NXPH2: variants seen among roughly 807,000 people sequenced by gnomAD.
NXPH2 encodes neurexophilin 2, also known as neurexophilin-2.
A neutral mutation model predicts 19.8 loss-of-function variants in NXPH2; 5 were observed. That is an observed-to-expected ratio of 0.25 (90% CI 0.13 to 0.53). NXPH2 has a LOEUF of 0.53. Ranked by LOEUF, NXPH2 falls within the 20% of genes least tolerant of loss-of-function variation. The pLI, the probability that NXPH2 is intolerant of heterozygous loss-of-function variation, is 0.96. For synonymous variants in NXPH2, 154 were observed against 127.4 expected (o/e 1.21, Z -1.41); for missense variants, 289 against 322.8 (o/e 0.90, Z 0.80).
intron 1 of NXPH2, among the ~76,000 whole-genome samples, chr2:138,691,982 A>G (rs1339708635): frequency 6.6e-6 from 1 of 152,206 alleles, no homozygotes; most frequent in African/African-American, 2.4e-5. Flanking sequence ...TAATAACATA[A>G]CCAAAATATA....
intron 1 of NXPH2, among the ~76,000 whole-genome samples, chr2:138,678,982 G>C (rs1376139289): frequency 6.6e-6 from 1 of 152,066 alleles, no homozygotes; most frequent in Non-Finnish European, 1.5e-5. Context: ...GGACACAAAC[G>C]CTACTTGGTT....
intron 1 of NXPH2, among the ~76,000 whole-genome samples, chr2:138,777,836 A>T (rs1341997621): frequency 2.8e-5 from 4 of 142,550 alleles, no homozygotes; most frequent in African/African-American, 1.1e-4. Flanking sequence ...AAAATTAAAA[A>T]AAAAAAAAAA....
intron 1 of NXPH2, among the ~76,000 whole-genome samples, chr2:138,756,388 C>T (rs1244223585): frequency 6.6e-6 from 1 of 151,796 alleles, no homozygotes; most frequent in Non-Finnish European, 1.5e-5. Flanking sequence ...ATTTTAAGCA[C>T]CCCCAAAATG....
chr2:138,674,261 C>G (rs1680453895), intron 1 of NXPH2, among the ~76,000 whole-genome samples: 1 of 151,950 alleles, frequency 6.6e-6, no homozygotes, highest in Admixed American at 6.6e-5. Flanking sequence ...TTAAGAAATT[C>G]TTGCACATCA....
intron 1 of NXPH2, among the ~76,000 whole-genome samples, chr2:138,777,946 C>T (rs1172684269): frequency 6.6e-6 from 1 of 151,306 alleles, no homozygotes; most frequent in Non-Finnish European, 1.5e-5. Context: ...ATTTTATCCC[C>T]TTGCTGTTAG....
intron 1 of NXPH2, among the ~76,000 whole-genome samples, chr2:138,757,593 T>A (rs1173481206): frequency 6.6e-6 from 1 of 152,074 alleles, no homozygotes; most frequent in Non-Finnish European, 1.5e-5. Flanking sequence ...CTCCCCTTCC[T>A]GACTGCCTGC....
At chr2:138,774,200 T>C (rs933148905) in intron 1 of NXPH2, among the ~76,000 whole-genome samples, 1 of 152,214 alleles carries the variant, frequency 6.6e-6, no homozygotes, top group Non-Finnish European at 1.5e-5. Flanking sequence ...AATGACTAGA[T>C]GTTAGTTTAC....
chr2:138,677,381 G>A (rs941190584), intron 1 of NXPH2, among the ~76,000 whole-genome samples: 2 of 152,150 alleles, frequency 1.3e-5, no homozygotes, highest in African/African-American at 4.8e-5. Flanking sequence ...AGTAATTTAT[G>A]TCTTGGCAGG....
chr2:138,678,250 G>A (rs1259301997), intron 1 of NXPH2, among the ~76,000 whole-genome samples: 2 of 152,172 alleles, frequency 1.3e-5, no homozygotes, highest in African/African-American at 4.8e-5. Flanking sequence ...AGGGTTAGGG[G>A]TTTTGAGGAG....
intron 1 of NXPH2, among the ~76,000 whole-genome samples, chr2:138,738,838 T>C (rs993106339): frequency 6.6e-6 from 1 of 152,198 alleles, no homozygotes; most frequent in African/African-American, 2.4e-5. Flanking sequence ...GGGCACAAAA[T>C]CGGATGATTG....
rs10190760 is a variant in NXPH2 at position 138,754,084 on chromosome 2, C to A, written c.51+26107G>T. On this transcript the variant is annotated intron_variant, in intron 1 of 1. Coordinates refer to ENST00000272641, the MANE Select transcript of NXPH2 (RefSeq NM_007226.3). ...TGGGCTCCAGTGATTCCCTCCCATC[C>A]CAGCCTCCCAAATACCTGGGACTAC... Among the ~76,000 whole-genome samples, 476 of 152,134 alleles carry A rather than the reference C, an allele frequency of 3.1e-3. 3 individuals carry two copies. The highest frequency in any genetic ancestry group is 0.011 in the African/African-American group (467 of 41,524).
intron 1 of NXPH2, among the ~76,000 whole-genome samples, chr2:138,704,468 A>G (rs1680979132): frequency 6.6e-6 from 1 of 152,250 alleles, no homozygotes; most frequent in African/African-American, 2.4e-5. Context: ...TGTGCATGTT[A>G]TAAAAGCATC....
chr2:138,694,173 T>C (rs746886780), intron 1 of NXPH2, among the ~76,000 whole-genome samples: 3 of 152,168 alleles, frequency 2.0e-5, no homozygotes, highest in Non-Finnish European at 2.9e-5. Flanking sequence ...CTGGTAAATA[T>C]TTTCCTCTAA....
At chr2:138,743,346 A>C (rs927976786) in intron 1 of NXPH2, among the ~76,000 whole-genome samples, 1 of 152,250 alleles carries the variant, frequency 6.6e-6, no homozygotes, top group African/African-American at 2.4e-5. Context: ...CTATTCAGTT[A>C]TTTTTAAAAT....
At chr2:138,736,115 C>T (rs1443014793) in intron 1 of NXPH2, among the ~76,000 whole-genome samples, 3 of 152,158 alleles carry the variant, frequency 2.0e-5, no homozygotes, top group African/African-American at 7.2e-5. Flanking sequence ...GTGCAAGCTG[C>T]CAGTGGATCT....
At position 138,671,676 on chromosome 2, in the gene NXPH2, A is replaced by G. The variant is rs181808204; in HGVS notation, c.52-11T>C. On this transcript the variant is annotated splice_polypyrimidine_tract_variant and intron_variant, in intron 1 of 1. Coordinates refer to ENST00000272641, the MANE Select transcript of NXPH2 (RefSeq NM_007226.3). Reference sequence around the variant, plus strand: ...ACTGTCACAAAATAGCTGTTTGAAAAGAAGAAAGAGAAATAAACTTTAGGT... The same window carrying G: ...ACTGTCACAAAATAGCTGTTTGAAAGGAAGAAAGAGAAATAAACTTTAGGT... 1.7e-3 allele frequency: 2,579 copies of G among 1,528,616 alleles called. 6 individuals are homozygous for G. The highest frequency in any genetic ancestry group is 5.8e-3 in the Middle Eastern group (33 of 5,650). 94.7% of individuals were successfully genotyped at this position (1,528,616 alleles called of 1,614,324 possible). A position where few individuals can be genotyped will look rare whatever the true frequency, so the allele number is the denominator to read the frequency against.
chr2:138,683,852 T>C (rs576157885), intron 1 of NXPH2, among the ~76,000 whole-genome samples: 1 of 152,320 alleles, frequency 6.6e-6, no homozygotes, highest in South Asian at 2.1e-4. Flanking sequence ...CTTTCTTAGA[T>C]ACATAGTACA....
chr2:138,770,132 A>C (rs1682154802), intron 1 of NXPH2, among the ~76,000 whole-genome samples: 1 of 152,188 alleles, frequency 6.6e-6, no homozygotes, highest in African/African-American at 2.4e-5. Flanking sequence ...TCCCAAAACA[A>C]AAAGGCCCAA....
At chr2:138,758,328 G>T (rs866460074) in intron 1 of NXPH2, among the ~76,000 whole-genome samples, 1 of 152,110 alleles carries the variant, frequency 6.6e-6, no homozygotes. Context: ...TGGCACCAAG[G>T]ATCACATTCC....
Sources: allele counts gnomAD v4.1 joint callset (sites outside exome capture counted in the v4.1 genomes callset), GRCh38; gene constraint gnomAD v4.1.1; transcripts MANE v1.5; gene names NCBI Gene and HGNC (gene_info 2026-07-23, HGNC 2026-07-21).